RXFP1: variants seen among roughly 807,000 people sequenced by gnomAD.
RXFP1 encodes the protein relaxin receptor 1.
In RXFP1, 73 loss-of-function variants were observed where a neutral mutation model predicts 89.8. The ratio of observed to expected loss-of-function variants is 0.81; its 90% CI spans 0.67 to 0.99. RXFP1 has a LOEUF of 0.99. Ranked by LOEUF, RXFP1 falls within the 50% of genes least tolerant of loss-of-function variation. The probability of loss-of-function intolerance (pLI) is 0.00; values close to 1 mark genes in which losing one functional copy is unlikely to be tolerated. For synonymous variants in RXFP1, 277 were observed against 305.5 expected, an observed-to-expected ratio of 0.91 and a Z score of 0.97; for missense variants, 793 against 895.5, an observed-to-expected ratio of 0.89 and a Z score of 1.46.
intron 1 of RXFP1, among the ~76,000 whole-genome samples, chr4:158,533,863 T>C (rs779966803): frequency 2.6e-5 from 4 of 152,210 alleles, no homozygotes; most frequent in Non-Finnish European, 5.9e-5. Context: ...TATATGCTTT[T>C]TTTCCTATTG....
intron 6 of RXFP1, among the ~76,000 whole-genome samples, chr4:158,610,115 AT>A (rs750974153): frequency 6.6e-6 from 1 of 152,076 alleles, no homozygotes; most frequent in Non-Finnish European, 1.5e-5. Context: ...AATACAAAAA[AT>A]TAGCCGGGCA....
chr4:158,529,499 A>G lies in RXFP1; in HGVS notation c.49+7474A>G, dbSNP rs953927924. 2.0e-5 allele frequency among the ~76,000 whole-genome samples: 3 copies of G among 152,074 alleles called. No individual in the cohort carries two copies. The East Asian group carries it at 5.8e-4, about 29-fold the overall frequency. On this transcript the variant is annotated intron_variant, in intron 1 of 17. Coordinates refer to ENST00000307765, the MANE Select transcript of RXFP1 (RefSeq NM_021634.4). ...GGTCTCGAACTCCTGGGCTCAAGCC[A>G]TCCGCCCACCTCAGCCTCTCAAATC...
chr4:158,558,226 T>C (rs1202568550), intron 1 of RXFP1, among the ~76,000 whole-genome samples: 5 of 152,248 alleles, frequency 3.3e-5, no homozygotes, highest in Non-Finnish European at 7.3e-5. Flanking sequence ...CCTTCCTCAT[T>C]GGTGTCCTCA....
At chr4:158,571,968 C>T (rs1278530072) in intron 1 of RXFP1, among the ~76,000 whole-genome samples, 2 of 152,160 alleles carry the variant, frequency 1.3e-5, no homozygotes, top group African/African-American at 4.8e-5. Flanking sequence ...GTAGAAGCCA[C>T]ATTTGCATAA....
intron 2 of RXFP1, among the ~76,000 whole-genome samples, chr4:158,592,300 A>T (rs1046181975): frequency 1.3e-5 from 2 of 152,236 alleles, no homozygotes; most frequent in Non-Finnish European, 2.9e-5. Context: ...TCGGCCAGGC[A>T]TGGTGGCTTA....
chr4:158,563,731 T>C (rs573911545), intron 1 of RXFP1, among the ~76,000 whole-genome samples: 1 of 151,972 alleles, frequency 6.6e-6, no homozygotes, highest in South Asian at 2.1e-4. Flanking sequence ...TCATAAAACA[T>C]TTCAGTTAGC....
At chr4:158,650,212 T>A (rs1772391958) in intron 17 of RXFP1, among the ~76,000 whole-genome samples, 1 of 152,016 alleles carries the variant, frequency 6.6e-6, no homozygotes, top group African/African-American at 2.4e-5. Flanking sequence ...AGAACGGTGT[T>A]TTCTAGGGGT....
intron 1 of RXFP1, chr4:158,544,036 G>A (rs370623630): frequency 6.8e-5 from 67 of 985,114 alleles, no homozygotes; most frequent in Middle Eastern, 1.0e-3. Context: ...CCATGAGATC[G>A]GATCAATTCA....
intron 2 of RXFP1, among the ~76,000 whole-genome samples, chr4:158,575,257 G>C (rs964889069): frequency 6.6e-5 from 10 of 152,134 alleles, no homozygotes; most frequent in African/African-American, 2.4e-4. Flanking sequence ...TTAGACAGAG[G>C]CAATAGGGCA....
chr4:158,577,559 T>G (rs536802497), intron 2 of RXFP1, among the ~76,000 whole-genome samples: 1 of 152,334 alleles, frequency 6.6e-6, no homozygotes, highest in Non-Finnish European at 1.5e-5. Flanking sequence ...AAATACCTTC[T>G]TTTAATGAAA....
At chr4:158,621,518 G>C (rs1765630537) in intron 9 of RXFP1, among the ~76,000 whole-genome samples, 1 of 152,114 alleles carries the variant, frequency 6.6e-6, no homozygotes, top group Admixed American at 6.6e-5. Context: ...AAGTTACAAA[G>C]ATTGCCAATA....
At chr4:158,522,346 T>G (rs1174178282) in intron 1 of RXFP1, among the ~76,000 whole-genome samples, 2 of 152,246 alleles carry the variant, frequency 1.3e-5, no homozygotes, top group Non-Finnish European at 2.9e-5. Flanking sequence ...ATTCAAGGAA[T>G]ATATTCATTG....
At chr4:158,538,072 G>A (rs1049215647) in intron 1 of RXFP1, among the ~76,000 whole-genome samples, 1 of 152,146 alleles carries the variant, frequency 6.6e-6, no homozygotes, top group African/African-American at 2.4e-5. Flanking sequence ...AGTGTTTGTA[G>A]GTCAAATTAA....
intron 2 of RXFP1, among the ~76,000 whole-genome samples, chr4:158,592,410 C>T (rs987696661): frequency 6.6e-6 from 1 of 151,950 alleles, no homozygotes; most frequent in African/African-American, 2.4e-5. Context: ...CCCGTCTCTA[C>T]TAGAAATACA....
intron 8 of RXFP1, among the ~76,000 whole-genome samples, chr4:158,613,232 G>C (rs1359381978): frequency 1.3e-5 from 2 of 152,202 alleles, no homozygotes; most frequent in South Asian, 4.1e-4. Context: ...GTTGACAGCT[G>C]CTGACTAACC....
chr4:158,645,789 C>T (rs1454290813), intron 15 of RXFP1, among the ~76,000 whole-genome samples: 1 of 152,122 alleles, frequency 6.6e-6, no homozygotes, highest in African/African-American at 2.4e-5. Context: ...CATCAATCTA[C>T]ATGAGGTTCT....
At chr4:158,536,002 T>C (rs1265299184) in intron 1 of RXFP1, among the ~76,000 whole-genome samples, 2 of 152,262 alleles carry the variant, frequency 1.3e-5, no homozygotes, top group Non-Finnish European at 2.9e-5. Context: ...TAATGGACAA[T>C]AGATGGACAA....
At chr4:158,631,914 G>A (rs1043432701) in intron 11 of RXFP1, among the ~76,000 whole-genome samples, 2 of 152,170 alleles carry the variant, frequency 1.3e-5, no homozygotes, top group African/African-American at 4.8e-5. Flanking sequence ...GGAACATGAA[G>A]AAACCCAGTC....
At chr4:158,598,378 C>T (rs1761030449) in intron 3 of RXFP1, among the ~76,000 whole-genome samples, 1 of 152,106 alleles carries the variant, frequency 6.6e-6, no homozygotes, top group Admixed American at 6.6e-5. Flanking sequence ...CATCTGGACA[C>T]AGTCTACAGT....
Sources: allele counts gnomAD v4.1 joint callset (sites outside exome capture counted in the v4.1 genomes callset), GRCh38; gene constraint gnomAD v4.1.1; transcripts MANE v1.5; gene names NCBI Gene and HGNC (gene_info 2026-07-23, HGNC 2026-07-21).